Variants in FAAH2 observed in about 807,000 individuals in gnomAD.
FAAH2 encodes fatty-acid amide hydrolase 2.
A neutral mutation model predicts 36.9 loss-of-function variants in FAAH2; 60 were observed. The ratio of observed to expected loss-of-function variants is 1.63; its 90% CI spans 1.32 to 2.02. FAAH2 has a LOEUF of 2.02. Ranked by LOEUF, FAAH2 falls within the 30% of genes most tolerant of loss-of-function variation. The pLI is 0.00. For missense variants in FAAH2, 689 were observed against 397.5 expected (o/e 1.73, Z -6.23); for synonymous variants, 214 against 143.8 (o/e 1.49, Z -3.49).
the FAAH2 span, among the ~76,000 whole-genome samples, chrX:57,267,425 T>TG: frequency 6.2e-5 from 7 of 112,542 alleles, no homozygotes; most frequent in African/African-American, 1.9e-4. Context: ...CGCATGCTTG[T>TG]GGGGCACAGA....
At chrX:57,335,460 G>C (rs1030542404) in intron 4 of FAAH2, among the ~76,000 whole-genome samples, 1 of 112,633 alleles carries the variant, frequency 8.9e-6, no homozygotes, top group African/African-American at 3.2e-5. Flanking sequence ...AAAAAGTGCT[G>C]TGCTTTTGAT....
At chrX:57,261,676 T>A in the FAAH2 span, among the ~76,000 whole-genome samples, 2 of 105,349 alleles carry the variant, frequency 1.9e-5, no homozygotes, top group Non-Finnish European at 3.9e-5. Flanking sequence ...GGATGGGAGG[T>A]GGAATATACG....
At chrX:57,448,465 A>T (rs2056724789) in intron 9 of FAAH2, 59 bp from the exon 10 acceptor site, 1 of 1,019,201 alleles carries the variant, frequency 9.8e-7, no homozygotes, top group Admixed American at 3.0e-5. Context: ...AAGATAAAGA[A>T]CACTAGGAAT....
chrX:57,223,614 G>A, the FAAH2 span, among the ~76,000 whole-genome samples: 2 of 111,014 alleles, frequency 1.8e-5, no homozygotes, highest in South Asian at 7.8e-4. Flanking sequence ...TACCCACCAA[G>A]CCCAGGGCCA....
intron 7 of FAAH2, among the ~76,000 whole-genome samples, chrX:57,407,915 T>C (rs1471605494): frequency 8.9e-6 from 1 of 112,329 alleles, no homozygotes. Context: ...TTGTTCTTTC[T>C]TCACTATGTA....
At chrX:57,204,508 G>A in the FAAH2 span, among the ~76,000 whole-genome samples, 1 of 111,960 alleles carries the variant, frequency 8.9e-6, no homozygotes, top group Non-Finnish European at 1.9e-5. Context: ...CTCTTCTTCA[G>A]CATCTGGCTC....
intron 4 of FAAH2, among the ~76,000 whole-genome samples, chrX:57,337,197 A>T (rs1355757159): frequency 9.2e-6 from 1 of 108,361 alleles, no homozygotes; most frequent in Non-Finnish European, 1.9e-5. Flanking sequence ...CCGAACCAAG[A>T]AATAATTGAA....
the FAAH2 span, among the ~76,000 whole-genome samples, chrX:57,268,625 G>T: frequency 3.4e-3 from 384 of 111,519 alleles, 2 homozygotes; most frequent in African/African-American, 0.012. Context: ...AACTACAATG[G>T]GAAGCCCATC....
At chrX:57,311,974 T>G (rs190835016) in intron 3 of FAAH2, among the ~76,000 whole-genome samples, 1 of 111,963 alleles carries the variant, frequency 8.9e-6, no homozygotes, top group Non-Finnish European at 1.9e-5. Flanking sequence ...AAGGGAGAGA[T>G]GCATGGGTTT....
chrX:57,355,519 T>A (rs1367239142), intron 5 of FAAH2, among the ~76,000 whole-genome samples: 1 of 111,440 alleles, frequency 9.0e-6, no homozygotes, highest in Non-Finnish European at 1.9e-5. Flanking sequence ...TCCTCTGTTG[T>A]TAAATTTGTT....
At chrX:57,412,984 G>A (rs1037032915) in intron 7 of FAAH2, among the ~76,000 whole-genome samples, 1 of 112,459 alleles carries the variant, frequency 8.9e-6, no homozygotes, top group Non-Finnish European at 1.9e-5. Flanking sequence ...GTAATGACGA[G>A]CTTTTTATTT....
chrX:57,472,767 C>T (rs1403524586), intron 10 of FAAH2, among the ~76,000 whole-genome samples: 2 of 110,577 alleles, frequency 1.8e-5, no homozygotes, highest in Non-Finnish European at 3.8e-5. Context: ...TGTATGTTTC[C>T]AGGAAACTAT....
intron 10 of FAAH2, among the ~76,000 whole-genome samples, chrX:57,453,052 C>A (rs1183639699): frequency 9.0e-6 from 1 of 111,636 alleles, no homozygotes; most frequent in Non-Finnish European, 1.9e-5. Flanking sequence ...GCTTCCATTA[C>A]CTGTGGCACC....
At chrX:57,389,858 C>T (rs931194068) in intron 7 of FAAH2, among the ~76,000 whole-genome samples, 1 of 110,316 alleles carries the variant, frequency 9.1e-6, no homozygotes, top group Non-Finnish European at 1.9e-5. Context: ...CCAACACTTA[C>T]CTTTAAAAAA....
At chrX:57,267,860 C>T in the FAAH2 span, among the ~76,000 whole-genome samples, 1 of 112,333 alleles carries the variant, frequency 8.9e-6, no homozygotes, top group East Asian at 2.8e-4. Flanking sequence ...ATGTCAGCAA[C>T]ATCAAAGATC....
the FAAH2 span, chrX:57,137,242 C>T: frequency 1.8e-5 from 14 of 759,526 alleles, no homozygotes; most frequent in Admixed American, 2.2e-4. Context: ...GCGGGCCTCA[C>T]GTGCCGAAAT....
rs777613010 is a variant in FAAH2 at position 57,423,926 on chromosome X, A to G, written c.997-7992A>G. 2.7e-5 allele frequency among the ~76,000 whole-genome samples: 3 copies of G among 111,514 alleles called. No homozygotes were observed. The East Asian group carries it at 8.6e-4, about 32-fold the overall frequency. On this transcript the variant is annotated intron_variant, in intron 7 of 10. Coordinates refer to ENST00000374900, the MANE Select transcript of FAAH2 (RefSeq NM_174912.4). ...CGACCACAGCTGGCTCTCACCTGAA[A>G]GTACCACCTAATGAACAGGAGGACA...
At chrX:57,364,913 G>A (rs1375742636) in intron 5 of FAAH2, among the ~76,000 whole-genome samples, 1 of 111,702 alleles carries the variant, frequency 9.0e-6, no homozygotes, top group Non-Finnish European at 1.9e-5. Flanking sequence ...TGTGGTCTAT[G>A]AGTGTAGTTG....
At chrX:57,340,458 T>C (rs1218497932) in intron 4 of FAAH2, among the ~76,000 whole-genome samples, 2 of 112,115 alleles carry the variant, frequency 1.8e-5, no homozygotes, top group African/African-American at 6.5e-5. Context: ...CCCAAAGGAA[T>C]ATAAAGCATT....
Sources: gnomAD v4.1 joint callset for allele counts (sites outside exome capture counted in the v4.1 genomes callset) on GRCh38, gnomAD v4.1.1 for gene constraint, MANE v1.5 for transcripts, NCBI Gene and HGNC (gene_info 2026-07-23, HGNC 2026-07-21) for gene names.